FAM120B: variants seen among roughly 807,000 people sequenced by gnomAD.
FAM120B encodes constitutive coactivator of peroxisome proliferator-activated receptor gamma.
A neutral mutation model predicts 96.3 loss-of-function variants in FAM120B; 83 were observed. The ratio of observed to expected loss-of-function variants is 0.86; its 90% confidence interval spans 0.72 to 1.03. The LOEUF is 1.03. Ranked by LOEUF, FAM120B falls within the 50% of genes least tolerant of loss-of-function variation. The probability of loss-of-function intolerance (pLI) is 0.00; values close to 1 mark genes in which losing one functional copy is unlikely to be tolerated. For synonymous variants in FAM120B, 407 were observed against 402.7 expected (o/e 1.01, Z -0.13); for missense variants, 1,027 against 1,121.2 (o/e 0.92, Z 1.20).
chr6:170,355,974 C>G (rs968299662), intron 5 of FAM120B, among the ~76,000 whole-genome samples: 1 of 152,116 alleles, frequency 6.6e-6, no homozygotes, highest in African/African-American at 2.4e-5. Context: ...TGTCAGCCCC[C>G]CAGGAGGGAC....
At chr6:170,368,097 T>C (rs1788915525) in intron 6 of FAM120B, among the ~76,000 whole-genome samples, 1 of 152,240 alleles carries the variant, frequency 6.6e-6, no homozygotes, top group Non-Finnish European at 1.5e-5. Context: ...TGATTTAATA[T>C]TGAAGTGTAA....
At chr6:170,376,848 C>T (rs1161986811) in intron 6 of FAM120B, among the ~76,000 whole-genome samples, 1 of 152,158 alleles carries the variant, frequency 6.6e-6, no homozygotes, top group Non-Finnish European at 1.5e-5. Context: ...TTCGGTAACC[C>T]CCTAGAGAAG....
chr6:170,291,102 CTCCCCGCCCCCACCCT>C (rs1434006197), upstream of FAM120B: 1 of 695,544 alleles, frequency 1.4e-6, no homozygotes, highest in South Asian at 1.5e-5. Flanking sequence ...TGCAACCCTC[CTCCCCGCCCCCACCCT>C]TCCCCGCCCC....
rs1785045652 is a variant in FAM120B at position 170,318,416 on chromosome 6, C to T, written c.1026C>T (p.Pro342=). 6 of 1,614,106 alleles carry T rather than the reference C, an allele frequency of 3.7e-6. No individual in the cohort carries two copies. The highest frequency in any genetic ancestry group is 5.1e-6 in the Non-Finnish European group (6 of 1,180,036). ...SSDAESREEV[P]MCSDAESRQE... ...ACGCCGAATCCAGGGAAGAAGTTCC[C>T]ATGTGTTCAGATGCTGAATCCAGGC... The change falls in exon 2 of 11, where the codon CCC becomes CCT. Residue 342 remains proline (P), a synonymous_variant. Coordinates refer to ENST00000476287, the MANE Select transcript of FAM120B (RefSeq NM_032448.3).
chr6:170,360,105 A>G (rs1788242029), intron 6 of FAM120B, among the ~76,000 whole-genome samples: 1 of 152,220 alleles, frequency 6.6e-6, no homozygotes, highest in Middle Eastern at 3.4e-3. Context: ...AGTATTACAG[A>G]AAGGAACCCT....
chr6:170,351,944 A>G (rs1787608394), intron 5 of FAM120B, among the ~76,000 whole-genome samples: 1 of 152,260 alleles, frequency 6.6e-6, no homozygotes. Flanking sequence ...GAACAATAGT[A>G]ACCCTAAACG....
chr6:170,361,200 A>ATG (rs1788361161), intron 6 of FAM120B, among the ~76,000 whole-genome samples: 4 of 47,798 alleles, frequency 8.4e-5, no homozygotes, highest in Admixed American at 3.8e-4. Flanking sequence ...ATATACGTGT[A>ATG]TATATATATA....
At chr6:170,379,558 T>C (rs1001715294) in intron 6 of FAM120B, among the ~76,000 whole-genome samples, 2 of 152,238 alleles carry the variant, frequency 1.3e-5, no homozygotes, top group Non-Finnish European at 2.9e-5. Flanking sequence ...CATGTCAGTG[T>C]TCAAAAAGTT....
chr6:170,347,100 G>A (rs1583239233), intron 4 of FAM120B, among the ~76,000 whole-genome samples: 1 of 152,198 alleles, frequency 6.6e-6, no homozygotes, highest in South Asian at 2.1e-4. Flanking sequence ...ACCACTGAGA[G>A]TAGTCAGTGC....
At chr6:170,355,989 C>T (rs931983737) in intron 5 of FAM120B, among the ~76,000 whole-genome samples, 6 of 152,196 alleles carry the variant, frequency 3.9e-5, no homozygotes, top group South Asian at 2.1e-4. Context: ...AGGGACACAC[C>T]GCCTGCTGTT....
At chr6:170,398,275 G>C (rs1192766927) in intron 9 of FAM120B, among the ~76,000 whole-genome samples, 1 of 152,270 alleles carries the variant, frequency 6.6e-6, no homozygotes, top group African/African-American at 2.4e-5. Context: ...TTATTGAATG[G>C]TGGGTGAGAC....
chr6:170,317,662 G>A lies in FAM120B; in HGVS notation c.272G>A (p.Gly91Asp), dbSNP rs1378965583. ...ATCAAGTTGATATTCTTCTTTGATG[G>A]CATGGTGGAGCAGGATAAGAGAGAT... ...AGIKLIFFFD[G>D]MVEQDKRDEW... is the part of the protein sequence containing the mutation. The change falls in exon 2 of 11, where the codon GGC becomes GAC. Residue 91 changes from glycine to aspartate, a missense_variant. By Grantham distance (94) the Gly-to-Asp change is moderately conservative (BLOSUM62 -1). Coordinates refer to ENST00000476287, the MANE Select transcript of FAM120B (RefSeq NM_032448.3). The A allele has an allele frequency of 6.2e-7, 1 of 1,614,066 alleles. No homozygotes were observed. Among genetic ancestry groups the A allele is most frequent in the Non-Finnish European group, 8.5e-7 (1 of 1,180,046 alleles).
intron 5 of FAM120B, among the ~76,000 whole-genome samples, chr6:170,352,937 CAATG>C (rs1203432851): frequency 6.6e-6 from 1 of 151,808 alleles, no homozygotes; most frequent in East Asian, 1.9e-4. Flanking sequence ...AAAAAAAAAT[CAATG>C]AATCCAGGAG....
chr6:170,336,418 C>T (rs990478951), intron 4 of FAM120B, among the ~76,000 whole-genome samples: 10 of 152,050 alleles, frequency 6.6e-5, no homozygotes, highest in Admixed American at 2.0e-4. Flanking sequence ...ACCAGTACCA[C>T]GCTGTTTTGG....
chr6:170,372,420 G>A (rs931099890), intron 6 of FAM120B, among the ~76,000 whole-genome samples: 32 of 142,374 alleles, frequency 2.2e-4, no homozygotes, highest in African/African-American at 6.6e-4. Context: ...CTACAGGGGC[G>A]GGGGGGTGGG....
chr6:170,316,789 C>T (rs946031868), intron 1 of FAM120B, among the ~76,000 whole-genome samples: 24 of 152,192 alleles, frequency 1.6e-4, no homozygotes, highest in African/African-American at 4.6e-4. Context: ...TATCTGTCAC[C>T]CCCAAAAGTT....
intron 4 of FAM120B, among the ~76,000 whole-genome samples, chr6:170,331,213 C>T (rs1786013161): frequency 6.6e-6 from 1 of 152,170 alleles, no homozygotes; most frequent in Non-Finnish European, 1.5e-5. Context: ...GTTCTACACA[C>T]AAACAGTTAA....
intron 5 of FAM120B, among the ~76,000 whole-genome samples, chr6:170,356,657 C>T (rs769406739): frequency 5.3e-5 from 8 of 152,126 alleles, no homozygotes; most frequent in South Asian, 2.1e-4. Context: ...CCTTTATATT[C>T]GGGTTTTACA....
chr6:170,392,699 G>C (rs998472431), intron 8 of FAM120B, among the ~76,000 whole-genome samples: 3 of 152,154 alleles, frequency 2.0e-5, no homozygotes, highest in Admixed American at 6.5e-5. Context: ...GAACTACTTG[G>C]TGTCAGCCTT....
Sources: gnomAD v4.1 joint callset for allele counts (sites outside exome capture counted in the v4.1 genomes callset) on GRCh38, gnomAD v4.1.1 for gene constraint, MANE v1.5 for transcripts, NCBI Gene and HGNC (gene_info 2026-07-23, HGNC 2026-07-21) for gene names.